Variants in FBXO30 observed in about 807,000 individuals in gnomAD.
FBXO30 encodes the protein F-box protein 30, also known as F-box only protein 30.
Under a neutral mutation model 58.1 loss-of-function variants are expected in FBXO30, and 21 were observed. The ratio of observed to expected loss-of-function variants is 0.36; its 90% CI spans 0.26 to 0.52. The LOEUF (loss-of-function observed/expected upper bound fraction) is 0.52. Ranked by LOEUF, FBXO30 falls within the 20% of genes least tolerant of loss-of-function variation. FBXO30 has a pLI of 0.93. For missense variants in FBXO30, 744 were observed against 897.3 expected (o/e 0.83, Z 2.18); for synonymous variants, 309 against 312.4 (o/e 0.99, Z 0.11).
At chr6:145,804,118 A>G (rs1350027605) in intron 2 of FBXO30, among the ~76,000 whole-genome samples, 1 of 152,170 alleles carries the variant, frequency 6.6e-6, no homozygotes, top group African/African-American at 2.4e-5. Flanking sequence ...AAAAATTGAG[A>G]AACGTAAGTG....
At position 145,800,260 on chromosome 6, in the gene FBXO30, G is replaced by C; in HGVS notation, c.2084C>G (p.Ala695Gly). The part of the protein sequence containing the change: ...AFCSVNEWKF[A>G]DILSMADHLK... ...GTGGTCTGCCATGCTTAGGATGTCA[G>C]CAAATTTCCATTCATTAACAGAACA... Residue 695 changes from alanine (A) to glycine (G), a missense_variant, in exon 3 of 3, where the codon GCT becomes GGT. Transcript: ENST00000237281. 1 of 1,612,836 alleles carries C rather than the reference G, an allele frequency of 6.2e-7. No individual in the cohort carries two copies. The highest frequency in any genetic ancestry group is 8.5e-7 in the Non-Finnish European group (1 of 1,179,240).
At chr6:145,801,263 C>T (rs1051258156) in intron 2 of FBXO30, among the ~76,000 whole-genome samples, 37 of 152,248 alleles carry the variant, frequency 2.4e-4, no homozygotes, top group African/African-American at 7.5e-4. Flanking sequence ...AATTTACACA[C>T]GTTGAACTGC....
chr6:145,805,938 G>A lies in FBXO30; in HGVS notation c.468C>T (p.Ile156=). The A allele has an allele frequency of 6.2e-7, 1 of 1,614,004 alleles. No homozygotes were observed. The highest frequency in any genetic ancestry group is 8.5e-7 in the Non-Finnish European group (1 of 1,179,972). The change falls in exon 2 of 3, where the codon ATC becomes ATT. Residue 156 remains isoleucine, a synonymous_variant. Coordinates refer to ENST00000237281, the MANE Select transcript of FBXO30 (RefSeq NM_032145.5). ...TDKVSKPREQ[I]SVKSSVPEIP... ...TTTCTGGGACACTTGATTTAACTGAGATTTGTTCTCTAGGTTTGGATACTT... is the reference window on the plus strand; with the variant it reads ...TTTCTGGGACACTTGATTTAACTGAAATTTGTTCTCTAGGTTTGGATACTT...
At position 145,794,552 on chromosome 6, in the gene FBXO30, CAA is replaced by C. The variant is rs1273419158; in HGVS notation, c.*5552_*5553del. ...AAAGCTATTGGAATGTTGTAGGGACCAATACTGTTCTCTCCATATTTTATTTA... is the reference window on the plus strand; with the variant it reads ...AAAGCTATTGGAATGTTGTAGGGACCTACTGTTCTCTCCATATTTTATTTA... On this transcript the variant is annotated 3_prime_UTR_variant, in exon 3 of 3. Transcript: ENST00000237281. 6.6e-6 allele frequency: 1 copy of C among 151,742 alleles called. No homozygotes were observed. Among genetic ancestry groups the C allele is most frequent in the Non-Finnish European group, 1.5e-5 (1 of 67,796 alleles). The allele number at this position is 151,742 out of a possible 1,614,324, so 9.4% of individuals were successfully genotyped here. A position where few individuals can be genotyped will look rare whatever the true frequency, so the allele number is the denominator to read the frequency against.
At chr6:145,808,247 A>G (rs564709394) in intron 1 of FBXO30, among the ~76,000 whole-genome samples, 1 of 150,532 alleles carries the variant, frequency 6.6e-6, no homozygotes, top group African/African-American at 2.5e-5. Flanking sequence ...CCAAAAAAAA[A>G]CGTCTAATTT....
chr6:145,803,742 A>G (rs1778076666), intron 2 of FBXO30, among the ~76,000 whole-genome samples: 1 of 151,908 alleles, frequency 6.6e-6, no homozygotes, highest in Admixed American at 6.6e-5. Flanking sequence ...ACTCCTTTGG[A>G]CTCTACTAAA....
rs747579932 is a variant in FBXO30 at position 145,805,741 on chromosome 6, T to C, written c.665A>G (p.Gln222Arg). 1.2e-6 allele frequency: 2 copies of C among 1,613,994 alleles called. No individual in the cohort carries two copies. Among genetic ancestry groups the C allele is most frequent in the Non-Finnish European group, 1.7e-6 (2 of 1,179,998 alleles). ...ATCCTCTAAGCTTTCTCTCGCATTTTGCTGTTCATCCATGTCATTTGGGAC... is the reference window on the plus strand; with the variant it reads ...ATCCTCTAAGCTTTCTCTCGCATTTCGCTGTTCATCCATGTCATTTGGGAC... Reference protein sequence around the residue: ...TSVPNDMDEQQNARESLEDQN... With the variant: ...TSVPNDMDEQRNARESLEDQN... The change falls in exon 2 of 3, where the codon CAA becomes CGA. Residue 222 changes from glutamine to arginine, a missense_variant. This residue lies in a region of FBXO30 where 275 missense variants were observed against 262.0 expected (regional missense o/e 1.05). Transcript: ENST00000237281.
chr6:145,806,416 C>A lies in FBXO30; in HGVS notation c.-11G>T. 6.2e-7 allele frequency: 1 copy of A among 1,606,536 alleles called. No homozygotes were observed. Among genetic ancestry groups the A allele is most frequent in the South Asian group, 1.1e-5 (1 of 89,408 alleles). Reference sequence around the variant, plus strand: ...CAGCTCCTCCTCCATAATGGCCAGTCCAGCTCTGGTTGATGAAATGGAAAA... The same window carrying A: ...CAGCTCCTCCTCCATAATGGCCAGTACAGCTCTGGTTGATGAAATGGAAAA... On this transcript the variant is annotated 5_prime_UTR_variant, in exon 2 of 3. Coordinates refer to ENST00000237281, the MANE Select transcript of FBXO30 (RefSeq NM_032145.5).
chr6:145,807,528 T>C (rs576194834), intron 1 of FBXO30, among the ~76,000 whole-genome samples: 5 of 152,318 alleles, frequency 3.3e-5, no homozygotes, highest in African/African-American at 1.2e-4. Flanking sequence ...CAAATCATGA[T>C]GAGTGCTTTA....
chr6:145,799,275 C>T lies in FBXO30; in HGVS notation c.*831G>A, dbSNP rs974456049. On this transcript the variant is annotated 3_prime_UTR_variant, in exon 3 of 3. Transcript: ENST00000237281. Reference sequence around the variant, plus strand: ...TTGCATTCTGAATATTTGAAATTTACACAATACGCCCAATTCAAACCTAAA... The same window carrying T: ...TTGCATTCTGAATATTTGAAATTTATACAATACGCCCAATTCAAACCTAAA... 2 of 152,404 alleles carry T rather than the reference C, an allele frequency of 1.3e-5. No individual in the cohort carries two copies. Among genetic ancestry groups the T allele is most frequent in the African/African-American group, 4.8e-5 (2 of 41,408 alleles). The allele number at this position is 152,404 out of a possible 1,614,324, so 9.4% of individuals were successfully genotyped here.
At chr6:145,801,389 T>TTGTG (rs145499061) in intron 2 of FBXO30, among the ~76,000 whole-genome samples, 2 of 150,716 alleles carry the variant, frequency 1.3e-5, no homozygotes, top group Non-Finnish European at 3.0e-5. Context: ...TTATGAGATT[T>TTGTG]TGTGTGTGTG....
chr6:145,801,408 T>C (rs998973454), intron 2 of FBXO30, among the ~76,000 whole-genome samples: 42 of 151,946 alleles, frequency 2.8e-4, no homozygotes, highest in African/African-American at 1.0e-3. Flanking sequence ...TGTGTGTGTA[T>C]GTGTGCGTGT....
intron 2 of FBXO30, among the ~76,000 whole-genome samples, chr6:145,801,867 A>G (rs1377301118): frequency 6.6e-6 from 1 of 152,116 alleles, no homozygotes; most frequent in Non-Finnish European, 1.5e-5. Flanking sequence ...GATTCAATGG[A>G]GACAGGCAGT....
intron 1 of FBXO30, among the ~76,000 whole-genome samples, chr6:145,813,322 A>G (rs1399543972): frequency 7.2e-6 from 1 of 139,838 alleles, no homozygotes; most frequent in African/African-American, 2.6e-5. Context: ...TCCAGAATTA[A>G]AAAAAAAAAA....
At position 145,806,198 on chromosome 6, in the gene FBXO30, T is replaced by G. The variant is rs754359154; in HGVS notation, c.208A>C (p.Thr70Pro). Reference sequence around the variant, plus strand: ...TCAGCAACTTTATTTCGGGCCATGGTAAATGGACATCCAAAGTCACTATTT... The same window carrying G: ...TCAGCAACTTTATTTCGGGCCATGGGAAATGGACATCCAAAGTCACTATTT... ...CLNSDFGCPF[T>P]MARNKVAEHL... The change falls in exon 2 of 3, where the codon ACC (threonine) becomes CCC (proline). Residue 70 changes from threonine to proline, a missense_variant. By Grantham distance (38) the Thr-to-Pro change is conservative. Transcript: ENST00000237281. The G allele has an allele frequency of 6.2e-7, 1 of 1,614,142 alleles. No individual in the cohort carries two copies. The highest frequency in any genetic ancestry group is 1.1e-5 in the South Asian group (1 of 91,090).
chr6:145,813,094 T>G (rs1778378594), intron 1 of FBXO30, among the ~76,000 whole-genome samples: 1 of 152,206 alleles, frequency 6.6e-6, no homozygotes, highest in African/African-American at 2.4e-5. Context: ...CAATGCCTAT[T>G]TTGGTGACCT....
At position 145,804,589 on chromosome 6, in the gene FBXO30, AAC is replaced by A; in HGVS notation, c.1815_1816del (p.Leu606GlyfsTer4). On this transcript the variant is annotated frameshift_variant, in exon 2 of 3. Coordinates refer to ENST00000237281, the MANE Select transcript of FBXO30 (RefSeq NM_032145.5). LOFTEE classifies it high-confidence loss of function. ...ACTTAGATGGTCATTATGTAATCCC[AAC>A]ACACAGTTTCTAGCAGGCTCCACTA... is the stretch of plus-strand genomic sequence containing the variant. 1.9e-6 allele frequency: 3 copies of A among 1,613,786 alleles called. No homozygotes were observed. The highest frequency in any genetic ancestry group is 2.5e-6 in the Non-Finnish European group (3 of 1,179,840).
In FBXO30 at chr6:145,800,240, C is replaced by G; in HGVS notation, c.2104G>C (p.Asp702His). The G allele has an allele frequency of 6.2e-7, 1 of 1,613,030 alleles. No individual in the cohort carries two copies. The highest frequency in any genetic ancestry group is 8.5e-7 in the Non-Finnish European group (1 of 1,179,322). ...TTGTAACTGCATTTCTTCAAGTGGTCTGCCATGCTTAGGATGTCAGCAAAT... is the reference window on the plus strand; with the variant it reads ...TTGTAACTGCATTTCTTCAAGTGGTGTGCCATGCTTAGGATGTCAGCAAAT... ...WKFADILSMA[D>H]HLKKCSYNVV... is the part of the protein sequence containing the mutation. Residue 702 changes from aspartate (D) to histidine (H), a missense_variant, in exon 3 of 3, where the codon GAC becomes CAC. Physicochemically the swap from Asp to His is moderately conservative, Grantham distance 81. Coordinates refer to ENST00000237281, the MANE Select transcript of FBXO30 (RefSeq NM_032145.5).
Position 145,798,592 on chromosome 6 carries a change from T to G in FBXO30, c.*1514A>C, listed in dbSNP as rs529872261. On this transcript the variant is annotated 3_prime_UTR_variant, in exon 3 of 3. Coordinates refer to ENST00000237281, the MANE Select transcript of FBXO30 (RefSeq NM_032145.5). ...ATTTTAAGCACTGAGAAATAAGTAT[T>G]CTACTATTTAAAATGACTGGTGAGG... The G allele has an allele frequency of 6.6e-6, 1 of 152,582 alleles. No homozygotes were observed. The highest frequency in any genetic ancestry group is 1.5e-5 in the Non-Finnish European group (1 of 67,930). 9.5% of individuals were successfully genotyped at this position (152,582 alleles called of 1,614,324 possible). A position where few individuals can be genotyped will look rare whatever the true frequency, so the allele number is the denominator to read the frequency against.
Sources: allele counts gnomAD v4.1 joint callset (sites outside exome capture counted in the v4.1 genomes callset), GRCh38; gene constraint gnomAD v4.1.1; regional missense constraint gnomAD v4.1.1; transcripts MANE v1.5; gene names NCBI Gene and HGNC (gene_info 2026-07-23, HGNC 2026-07-21).